Variants in DOCK2 observed in about 807,000 individuals in gnomAD.
The protein encoded by DOCK2 is dedicator of cytokinesis protein 2.
A neutral mutation model predicts 248.9 loss-of-function variants in DOCK2; 87 were observed. The ratio of observed to expected loss-of-function variants is 0.35; its 90% CI spans 0.29 to 0.42. DOCK2 has a LOEUF of 0.42. Among genes scored for constraint, DOCK2 ranks in the 10% least tolerant of loss-of-function variants. The pLI, the probability that DOCK2 is intolerant of heterozygous loss-of-function variation, is 1.00. For synonymous variants in DOCK2, 805 were observed against 821.6 expected, an observed-to-expected ratio of 0.98 and a Z score of 0.35; for missense variants, 1,747 against 2,300.2, an observed-to-expected ratio of 0.76 and a Z score of 4.92.
chr5:170,031,400 T>C (rs1756131537), intron 34 of DOCK2, among the ~76,000 whole-genome samples: 2 of 151,880 alleles, frequency 1.3e-5, no homozygotes, highest in South Asian at 4.2e-4. Flanking sequence ...CAGGGAGGAG[T>C]GAGCCCCCTC....
In DOCK2 at chr5:170,057,052, T is replaced by A. The variant is rs1757156841; in HGVS notation, c.4380+284T>A. ...TGCCAGCACGTAGAAACCCTCAGGC[T>A]AAGAAGGGGTGTTGATAAAATCAAA... On this transcript the variant is annotated intron_variant, in intron 43 of 51. Transcript: ENST00000520908. 9.4e-6 allele frequency: 4 copies of A among 425,776 alleles called. No individual in the cohort carries two copies. In the South Asian group the frequency reaches 1.1e-4, roughly 12 times the overall value. 26.4% of individuals were successfully genotyped at this position (425,776 alleles called of 1,614,324 possible). A position where few individuals can be genotyped will look rare whatever the true frequency, so the allele number is the denominator to read the frequency against.
chr5:169,917,747 A>G (rs1774954810), intron 27 of DOCK2, among the ~76,000 whole-genome samples: 2 of 152,224 alleles, frequency 1.3e-5, no homozygotes. Context: ...ACATAATGTC[A>G]CACTCAGAAA....
In DOCK2 at chr5:169,821,940, G is replaced by GA. The variant is rs1421477620; in HGVS notation, c.2703+18738dup. Among the ~76,000 whole-genome samples the GA allele has an allele frequency of 2.3e-4, 34 of 150,448 alleles. 2 individuals carry two copies. The highest frequency in any genetic ancestry group is 4.2e-4 in the South Asian group (2 of 4,766). On this transcript the variant is annotated intron_variant, in intron 26 of 51. Coordinates refer to ENST00000520908, the MANE Select transcript of DOCK2 (RefSeq NM_004946.3). ...TGGAGGAAGATCAACCAAGCAAATGGAAAACAAAAAAAGGCAGAGGTTGCA... is the reference window on the plus strand; with the variant it reads ...TGGAGGAAGATCAACCAAGCAAATGGAAAAACAAAAAAAGGCAGAGGTTGCA...
Position 169,823,980 on chromosome 5 carries a change from GACAA to G in DOCK2, c.2704-16773_2704-16770del, listed in dbSNP as rs1225144329. On this transcript the variant is annotated intron_variant, in intron 26 of 51. Coordinates refer to ENST00000520908, the MANE Select transcript of DOCK2 (RefSeq NM_004946.3). ...CAAGCATTCTTATACTCCAATAACA[GACAA>G]ACAGAGAGCCAAATCATGAGTGAAT... 6.6e-5 allele frequency among the ~76,000 whole-genome samples: 10 copies of G among 152,236 alleles called. No individual in the cohort carries two copies. In the East Asian group the frequency reaches 1.7e-3, roughly 26 times the overall value.
At chr5:169,712,060 T>G (rs1248464265) in intron 16 of DOCK2, 53 bp downstream of exon 16, 21 of 1,613,498 alleles carry the variant, frequency 1.3e-5, no homozygotes, top group Non-Finnish European at 1.8e-5. Flanking sequence ...GGGAGAAGAA[T>G]GGAAGAGCTG....
intron 26 of DOCK2, among the ~76,000 whole-genome samples, chr5:169,818,303 C>T (rs1024067525): frequency 6.6e-6 from 1 of 152,118 alleles, no homozygotes; most frequent in Non-Finnish European, 1.5e-5. Context: ...GCACAAAGGC[C>T]GTATCGGTCT....
intron 22 of DOCK2, among the ~76,000 whole-genome samples, chr5:169,730,729 A>G (rs1190014811): frequency 6.6e-6 from 1 of 152,198 alleles, no homozygotes; most frequent in African/African-American, 2.4e-5. Flanking sequence ...AGTTCTAGCA[A>G]TCGCTCAACT....
chr5:169,982,342 G>A (rs190699354), intron 27 of DOCK2, among the ~76,000 whole-genome samples: 1 of 152,300 alleles, frequency 6.6e-6, no homozygotes, highest in East Asian at 1.9e-4. Context: ...AGAGGAAGCA[G>A]AAAAGGCTAT....
chr5:169,647,866 G>A (rs570359181), intron 1 of DOCK2, among the ~76,000 whole-genome samples: 3 of 152,202 alleles, frequency 2.0e-5, no homozygotes, highest in Non-Finnish European at 2.9e-5. Flanking sequence ...TTTGTTTCTT[G>A]TGTGTTTATT....
intron 26 of DOCK2, among the ~76,000 whole-genome samples, chr5:169,811,246 T>C (rs1164707869): frequency 6.6e-6 from 1 of 152,198 alleles, no homozygotes; most frequent in Non-Finnish European, 1.5e-5. Context: ...GCATCCCCTG[T>C]GGCCACTCTG....
chr5:170,032,262 G>C (rs751559357), intron 34 of DOCK2, among the ~76,000 whole-genome samples: 25 of 152,040 alleles, frequency 1.6e-4, no homozygotes, highest in Non-Finnish European at 2.9e-5. Flanking sequence ...TCCTGACCTC[G>C]TGATCTGCCC....
intron 24 of DOCK2, among the ~76,000 whole-genome samples, chr5:169,760,720 T>C (rs959916726): frequency 3.9e-5 from 6 of 152,192 alleles, no homozygotes; most frequent in South Asian, 4.1e-4. Context: ...TGTGTATTGA[T>C]TTGTTTGCTT....
chr5:169,954,897 C>T (rs1348644891), intron 27 of DOCK2, among the ~76,000 whole-genome samples: 3 of 152,126 alleles, frequency 2.0e-5, no homozygotes, highest in Non-Finnish European at 2.9e-5. Flanking sequence ...GCCAGGGGAG[C>T]GTGGGTGAAA....
intron 25 of DOCK2, among the ~76,000 whole-genome samples, chr5:169,774,939 C>T (rs1561683356): frequency 6.6e-6 from 1 of 152,060 alleles, no homozygotes; most frequent in Non-Finnish European, 1.5e-5. Context: ...GACAGAGTCT[C>T]ATTCTGTCAC....
chr5:169,824,176 C>T (rs1426585600), intron 26 of DOCK2, among the ~76,000 whole-genome samples: 2 of 151,960 alleles, frequency 1.3e-5, no homozygotes, highest in Non-Finnish European at 2.9e-5. Context: ...GAATCAATAT[C>T]GTGAAAATGG....
intron 27 of DOCK2, among the ~76,000 whole-genome samples, chr5:169,891,985 G>T (rs1346235076): frequency 7.9e-6 from 1 of 126,174 alleles, no homozygotes; most frequent in East Asian, 2.5e-4. Flanking sequence ...AACAGTGCGA[G>T]ATTCCGTCCC....
Position 169,700,138 on chromosome 5 carries a change from A to G in DOCK2, c.1257A>G (p.Pro419=), listed in dbSNP as rs1760879198. The change falls in exon 13 of 52, where the codon CCA becomes CCG. Residue 419 remains proline, a splice_region_variant and synonymous_variant. Coordinates refer to ENST00000520908, the MANE Select transcript of DOCK2 (RefSeq NM_004946.3). ...TGGGATTCCCAGAGATCATCATGCCAGGTGAGACACAGCTGCTCTGACCTT... is the reference window on the plus strand; with the variant it reads ...TGGGATTCCCAGAGATCATCATGCCGGGTGAGACACAGCTGCTCTGACCTT... ...RKLGFPEIIM[P]GDVRNDIYIT... 6.2e-7 allele frequency: 1 copy of G among 1,613,386 alleles called. No individual in the cohort carries two copies. The highest frequency in any genetic ancestry group is 1.3e-5 in the African/African-American group (1 of 74,918).
chr5:169,939,128 T>A (rs1312507933), intron 27 of DOCK2, among the ~76,000 whole-genome samples: 1 of 151,952 alleles, frequency 6.6e-6, no homozygotes, highest in Non-Finnish European at 1.5e-5. Context: ...ATGGTCTTGA[T>A]CTCCTGACCT....
chr5:169,902,669 GCCT>G (rs1309355849), intron 27 of DOCK2, among the ~76,000 whole-genome samples: 1 of 152,204 alleles, frequency 6.6e-6, no homozygotes, highest in Admixed American at 6.5e-5. Flanking sequence ...AGAGAGGGAA[GCCT>G]CATTCCTGAC....
Sources: allele counts gnomAD v4.1 joint callset (sites outside exome capture counted in the v4.1 genomes callset), GRCh38; gene constraint gnomAD v4.1.1; transcripts MANE v1.5; gene names NCBI Gene and HGNC (gene_info 2026-07-23, HGNC 2026-07-21).